Variants in MPP7 observed in about 807,000 individuals in gnomAD.
The protein encoded by MPP7 is MAGUK p55 scaffold protein 7.
In MPP7, 60 loss-of-function variants were observed where a neutral mutation model predicts 76.5. That is an observed-to-expected ratio of 0.78 (90% CI 0.64 to 0.97). The LOEUF (loss-of-function observed/expected upper bound fraction) is 0.97, where lower values mean the gene tolerates loss of function less well. MPP7 is among the 50% of genes least tolerant of loss of function. The pLI is 0.00. For missense variants in MPP7, 641 were observed against 694.0 expected (o/e 0.92, Z 0.86); for synonymous variants, 237 against 244.5 (o/e 0.97, Z 0.29).
intron 12 of MPP7, among the ~76,000 whole-genome samples, chr10:28,079,163 A>G (rs2133398824): frequency 6.6e-6 from 1 of 152,306 alleles, no homozygotes; most frequent in Admixed American, 6.5e-5. Flanking sequence ...TTCCCCAAAT[A>G]TGTTTAGGTG....
chr10:28,324,307 G>T (rs1011605031), intron 2 of MPP7, among the ~76,000 whole-genome samples: 1 of 152,190 alleles, frequency 6.6e-6, no homozygotes, highest in African/African-American at 2.4e-5. Flanking sequence ...CCAGCGCCTT[G>T]ATCTTGGACT....
chr10:28,182,675 G>T (rs111488939), intron 3 of MPP7, among the ~76,000 whole-genome samples: 1 of 152,174 alleles, frequency 6.6e-6, no homozygotes, highest in Non-Finnish European at 1.5e-5. Flanking sequence ...GAGAATAGAT[G>T]ATTTGTTATC....
chr10:28,270,555 T>TGGGGGGGGG (rs1840296119), intron 1 of MPP7, among the ~76,000 whole-genome samples: 3 of 7,560 alleles, frequency 4.0e-4, no homozygotes, highest in Non-Finnish European at 5.0e-4. Context: ...GGAGGGGAGC[T>TGGGGGGGGG]GGGGAGGGGG....
At chr10:28,057,911 G>C (rs1851627211) in intron 15 of MPP7, 2 of 1,168,970 alleles carry the variant, frequency 1.7e-6, no homozygotes, top group Admixed American at 7.9e-5. Context: ...GTTTGATAGG[G>C]AATTGAATGG....
chr10:28,136,128 G>A (rs1264569987), intron 5 of MPP7, among the ~76,000 whole-genome samples: 3 of 151,604 alleles, frequency 2.0e-5, no homozygotes, highest in South Asian at 2.1e-4. Context: ...ATGATCTGTC[G>A]CCGTCTCCCA....
chr10:28,197,568 G>C (rs1837629762), intron 3 of MPP7, among the ~76,000 whole-genome samples: 1 of 152,118 alleles, frequency 6.6e-6, no homozygotes, highest in South Asian at 2.1e-4. Flanking sequence ...GGCTAGTGTT[G>C]AGTGAGGTAC....
chr10:28,263,125 G>A (rs1447344848), intron 1 of MPP7, among the ~76,000 whole-genome samples: 1 of 152,110 alleles, frequency 6.6e-6, no homozygotes, highest in African/African-American at 2.4e-5. Context: ...CCTGCACTCA[G>A]GTGTCTAAGT....
At chr10:28,059,604 C>T (rs1851695482) in intron 14 of MPP7, 46 bp downstream of exon 14, 1 of 1,264,956 alleles carries the variant, frequency 7.9e-7, no homozygotes, top group Non-Finnish European at 1.2e-6. Flanking sequence ...CAGGCATGTG[C>T]TTATAAAAAA....
intron 3 of MPP7, among the ~76,000 whole-genome samples, chr10:28,201,165 C>G (rs183245027): frequency 6.6e-6 from 1 of 152,226 alleles, no homozygotes; most frequent in South Asian, 2.1e-4. Flanking sequence ...TAGGGAAATG[C>G]CACATATCAA....
intron 2 of MPP7, among the ~76,000 whole-genome samples, chr10:28,314,117 C>T (rs1841306145): frequency 6.6e-6 from 1 of 152,082 alleles, no homozygotes; most frequent in African/African-American, 2.4e-5. Context: ...TAGGTTCTAT[C>T]AATATTATTA....
intron 2 of MPP7, among the ~76,000 whole-genome samples, chr10:28,319,599 T>G (rs1834348569): frequency 6.6e-6 from 1 of 152,174 alleles, no homozygotes; most frequent in African/African-American, 2.4e-5. Flanking sequence ...AACTGTATTA[T>G]GACTTACATT....
intron 13 of MPP7, among the ~76,000 whole-genome samples, chr10:28,060,050 C>CT (rs60401724): frequency 0.029 from 3,949 of 137,646 alleles, 173 homozygotes; most frequent in African/African-American, 0.092. Context: ...GGAAAAAAAC[C>CT]TTTTTTTTTT....
Position 28,276,321 on chromosome 10 carries a change from G to A in MPP7, c.-132+26540C>T, listed in dbSNP as rs138114132. Among the ~76,000 whole-genome samples, 119 of 152,138 alleles carry A rather than the reference G, an allele frequency of 7.8e-4. 1 individual carries two copies. Among genetic ancestry groups the A allele is most frequent in the East Asian group, 2.9e-3 (15 of 5,172 alleles). On this transcript the variant is annotated intron_variant, in intron 1 of 16. Coordinates refer to ENST00000683449, the MANE Select transcript of MPP7 (RefSeq NM_001318170.2). The stretch of plus-strand genomic sequence containing the variant: ...GCTGGGATTACAGGCATGAGCCACC[G>A]TGCCTGGCCTTGTCACATGCTTTTT...
intron 2 of MPP7, among the ~76,000 whole-genome samples, chr10:28,316,435 TAAAAAAAAAAA>T (rs549621404): frequency 0.13 from 4,865 of 36,990 alleles, 348 homozygotes; most frequent in East Asian, 0.4. Flanking sequence ...ACTCTGTCTT[TAAAAAAAAAAA>T]AAAAAAAAAA....
intron 12 of MPP7, among the ~76,000 whole-genome samples, chr10:28,084,770 G>C (rs1852925135): frequency 6.6e-6 from 1 of 152,212 alleles, no homozygotes; most frequent in Non-Finnish European, 1.5e-5. Context: ...GAACAAATTT[G>C]AGAGGGAAAG....
At chr10:28,273,177 C>CA (rs1000189402) in intron 1 of MPP7, among the ~76,000 whole-genome samples, 60 of 152,300 alleles carry the variant, frequency 3.9e-4, no homozygotes, top group African/African-American at 1.3e-3. Flanking sequence ...CTCGGCCTCC[C>CA]AAAGTTCTGG....
At chr10:28,132,873 C>T (rs1835238563) in intron 5 of MPP7, among the ~76,000 whole-genome samples, 2 of 121,656 alleles carry the variant, frequency 1.6e-5, no homozygotes, top group Admixed American at 8.1e-5. Context: ...GCTGAGATTA[C>T]AGGCATGAGC....
At chr10:28,272,409 T>C (rs2133039757) in intron 1 of MPP7, among the ~76,000 whole-genome samples, 1 of 152,356 alleles carries the variant, frequency 6.6e-6, no homozygotes, top group East Asian at 1.9e-4. Context: ...CTTATATCTG[T>C]ACATATATTG....
Position 28,273,608 on chromosome 10 carries a change from T to C in MPP7, c.-132+29253A>G, listed in dbSNP as rs548403619. ...TCTACCTTCATGTTTAAGAGCAGCA[T>C]TCAGAGACTATAAAAGCAAGGAATT... On this transcript the variant is annotated intron_variant, in intron 1 of 16. Coordinates refer to ENST00000683449, the MANE Select transcript of MPP7 (RefSeq NM_001318170.2). Among the ~76,000 whole-genome samples, 13 of 152,356 alleles carry C rather than the reference T, an allele frequency of 8.5e-5. No homozygotes were observed. The South Asian group carries it at 2.7e-3, about 32-fold the overall frequency.
Sources: gnomAD v4.1 joint callset for allele counts (sites outside exome capture counted in the v4.1 genomes callset) on GRCh38, gnomAD v4.1.1 for gene constraint, MANE v1.5 for transcripts, NCBI Gene and HGNC (gene_info 2026-07-23, HGNC 2026-07-21) for gene names.